The following CNBD1 variants were observed in gnomAD, a reference collection of about 807,000 sequenced individuals.
CNBD1 encodes the protein cyclic nucleotide-binding domain-containing protein 1.
Under a neutral mutation model 54.4 loss-of-function variants are expected in CNBD1, and 71 were observed. The ratio of observed to expected loss-of-function variants is 1.30; its 90% CI spans 1.08 to 1.59. CNBD1 has a LOEUF of 1.59. CNBD1 is among the 40% of genes most tolerant of loss of function. The pLI is 0.00. For synonymous variants in CNBD1, 182 were observed against 170.7 expected (o/e 1.07, Z -0.51); for missense variants, 659 against 518.0 (o/e 1.27, Z -2.64).
At chr8:87,423,670 C>T (rs1482467799) in intron 2 of CNBD1, among the ~76,000 whole-genome samples, 16 of 148,784 alleles carry the variant, frequency 1.1e-4, no homozygotes, top group African/African-American at 1.0e-4. Flanking sequence ...CTGCTGGATT[C>T]GGTTTGCCAG....
intron 8 of CNBD1, among the ~76,000 whole-genome samples, chr8:87,298,269 T>C (rs533272337): frequency 6.6e-6 from 1 of 152,128 alleles, no homozygotes; most frequent in Non-Finnish European, 1.5e-5. Context: ...ATTCATGGTA[T>C]CATAAATTTG....
chr8:86,961,385 G>A (rs1411242922), intron 4 of CNBD1, among the ~76,000 whole-genome samples: 4 of 152,146 alleles, frequency 2.6e-5, no homozygotes, highest in Non-Finnish European at 1.5e-5. Flanking sequence ...AACATCACAA[G>A]TTAAAACAGG....
At chr8:86,973,376 A>G (rs1246717535) in intron 4 of CNBD1, among the ~76,000 whole-genome samples, 1 of 152,224 alleles carries the variant, frequency 6.6e-6, no homozygotes, top group Non-Finnish European at 1.5e-5. Flanking sequence ...GTAATGCAGT[A>G]ATAATTTATT....
intron 3 of CNBD1, among the ~76,000 whole-genome samples, chr8:86,908,527 CA>C (rs1809051845): frequency 6.6e-6 from 1 of 152,104 alleles, no homozygotes; most frequent in Non-Finnish European, 1.5e-5. Context: ...CAGAGTTATG[CA>C]TTGAAAAAAC....
chr8:87,212,357 T>C (rs893275855), intron 5 of CNBD1, among the ~76,000 whole-genome samples: 5 of 152,094 alleles, frequency 3.3e-5, no homozygotes, highest in Non-Finnish European at 5.9e-5. Context: ...AGTTAATAAA[T>C]TGATCCTAAA....
rs752380725 is a variant in CNBD1, at chr8:87,237,017, T to C, written c.676T>C (p.Ser226Pro). The change falls in exon 6 of 11, where the codon TCG becomes CCG. Residue 226 changes from serine (S) to proline (P), a missense_variant. Physicochemically the swap from Ser to Pro is moderately conservative, Grantham distance 74. Coordinates refer to ENST00000518476, the MANE Select transcript of CNBD1 (RefSeq NM_173538.3). The stretch of plus-strand genomic sequence containing the variant: ...GATTGAAGGAAGTGATTCACCAGAC[T>C]CGTTCATATCTCAGAGTTTCCACAG... ...NLIEGSDSPD[S>P]FISQSFHSFI... 4 of 1,612,284 alleles carry C rather than the reference T, an allele frequency of 2.5e-6. No individual in the cohort carries two copies. The highest frequency in any genetic ancestry group is 1.6e-4 in the Middle Eastern group (1 of 6,078).
intron 4 of CNBD1, among the ~76,000 whole-genome samples, chr8:87,078,971 G>T (rs16896903): frequency 6.6e-6 from 1 of 151,842 alleles, no homozygotes; most frequent in Admixed American, 6.6e-5. Context: ...AGACAAAACT[G>T]TGTTACTCCC....
At chr8:86,960,171 A>G (rs1182135113) in intron 4 of CNBD1, among the ~76,000 whole-genome samples, 2 of 152,156 alleles carry the variant, frequency 1.3e-5, no homozygotes, top group African/African-American at 2.4e-5. Context: ...AGTGTGAGCC[A>G]AAGCAGGGTG....
At chr8:87,003,779 G>A (rs73271790) in intron 4 of CNBD1, among the ~76,000 whole-genome samples, 4,606 of 152,276 alleles carry the variant, frequency 0.03, 243 homozygotes, top group African/African-American at 0.1. Context: ...AGGGTCACCT[G>A]CTGGCTGTGG....
intron 8 of CNBD1, among the ~76,000 whole-genome samples, chr8:87,350,306 ATGAT>A (rs1326892105): frequency 3.3e-5 from 5 of 152,122 alleles, no homozygotes; most frequent in South Asian, 2.1e-4. Flanking sequence ...AACAAAATAA[ATGAT>A]TGACAACAGT....
chr8:86,884,892 C>T (rs1417524621), intron 1 of CNBD1, among the ~76,000 whole-genome samples: 4 of 152,156 alleles, frequency 2.6e-5, no homozygotes, highest in African/African-American at 9.7e-5. Context: ...CCATTTTACA[C>T]TGTGTTTTCC....
intron 4 of CNBD1, among the ~76,000 whole-genome samples, chr8:86,955,568 T>G (rs1807744557): frequency 1.3e-5 from 2 of 152,242 alleles, no homozygotes; most frequent in Non-Finnish European, 2.9e-5. Flanking sequence ...TTGATTTGCA[T>G]TTCTCTAATG....
intron 4 of CNBD1, among the ~76,000 whole-genome samples, chr8:87,172,057 A>G (rs1020505196): frequency 6.6e-6 from 1 of 151,766 alleles, no homozygotes; most frequent in African/African-American, 2.4e-5. Flanking sequence ...AAATTCTTCA[A>G]TTTTCTTCTT....
At chr8:87,169,028 C>T (rs1813029617) in intron 4 of CNBD1, among the ~76,000 whole-genome samples, 1 of 152,038 alleles carries the variant, frequency 6.6e-6, no homozygotes, top group Non-Finnish European at 1.5e-5. Flanking sequence ...AGTGGTTGTA[C>T]TACTTTACAT....
chr8:87,356,364 G>A (rs74925199), intron 10 of CNBD1, among the ~76,000 whole-genome samples: 3,676 of 152,254 alleles, frequency 0.024, 153 homozygotes, highest in African/African-American at 0.081. Context: ...ACTGATAGAA[G>A]TATGGATAGT....
intron 4 of CNBD1, among the ~76,000 whole-genome samples, chr8:87,204,574 A>G (rs1361222771): frequency 1.3e-5 from 2 of 152,104 alleles, no homozygotes; most frequent in Non-Finnish European, 2.9e-5. Flanking sequence ...TTAATAATAC[A>G]TTGCTACAAA....
chr8:87,372,629 T>C (rs1810836637), intron 10 of CNBD1, among the ~76,000 whole-genome samples: 1 of 151,872 alleles, frequency 6.6e-6, no homozygotes, highest in Non-Finnish European at 1.5e-5. Context: ...AATCTAGTAA[T>C]AGCTTTTTTG....
chr8:87,021,433 G>A (rs1809486916), intron 4 of CNBD1, among the ~76,000 whole-genome samples: 1 of 152,168 alleles, frequency 6.6e-6, no homozygotes. Flanking sequence ...ATAATAAGAT[G>A]CTATTTGGGA....
chr8:87,280,187 T>C (rs1808570932), intron 6 of CNBD1, among the ~76,000 whole-genome samples: 1 of 151,592 alleles, frequency 6.6e-6, no homozygotes. Flanking sequence ...ATGTGAAATA[T>C]TATAAAATGC....
Sources: allele counts gnomAD v4.1 joint callset (sites outside exome capture counted in the v4.1 genomes callset), GRCh38; gene constraint gnomAD v4.1.1; transcripts MANE v1.5; gene names NCBI Gene and HGNC (gene_info 2026-07-23, HGNC 2026-07-21).